The following ERG variants were observed in gnomAD, a reference collection of about 807,000 sequenced individuals.
The protein encoded by ERG is ETS transcription factor ERG.
A neutral mutation model predicts 55.3 loss-of-function variants in ERG; 9 were observed. The ratio of observed to expected loss-of-function variants is 0.16; its 90% CI spans 0.10 to 0.28. The LOEUF is 0.28. Ranked by LOEUF, ERG falls within the 10% of genes least tolerant of loss-of-function variation. The pLI is 1.00. For synonymous variants in ERG, 223 were observed against 237.3 expected, an observed-to-expected ratio of 0.94 and a Z score of 0.55; for missense variants, 434 against 631.6, an observed-to-expected ratio of 0.69 and a Z score of 3.35.
At chr21:38,409,553 G>A (rs1391004346) in intron 3 of ERG, among the ~76,000 whole-genome samples, 2 of 150,250 alleles carry the variant, frequency 1.3e-5, no homozygotes, top group East Asian at 3.9e-4. Context: ...CAGAGAGGTA[G>A]CACCAACCAG....
intron 2 of ERG, among the ~76,000 whole-genome samples, chr21:38,565,119 C>T (rs931413273): frequency 1.1e-4 from 17 of 152,290 alleles, no homozygotes; most frequent in African/African-American, 3.6e-4. Flanking sequence ...CCTTGACTCT[C>T]CTACACTGCA....
chr21:38,656,933 T>C (rs1216626664), intron 1 of ERG, among the ~76,000 whole-genome samples: 2 of 152,214 alleles, frequency 1.3e-5, no homozygotes, highest in African/African-American at 2.4e-5. Flanking sequence ...ACTGCAATAA[T>C]GTTATCCTTA....
rs2059742985 is a variant in ERG, at chr21:38,540,241, G to A, written c.-41+35421C>T. 2.0e-5 allele frequency among the ~76,000 whole-genome samples: 3 copies of A among 152,274 alleles called. No individual in the cohort carries two copies. The South Asian group carries it at 6.2e-4, about 32-fold the overall frequency. ...ATATTTGGTTTCTTATTGAGGTGAAGTTCACATAACATGAAACTAACAGTT... is the reference window on the plus strand; with the variant it reads ...ATATTTGGTTTCTTATTGAGGTGAAATTCACATAACATGAAACTAACAGTT... On this transcript the variant is annotated intron_variant, in intron 2 of 8. Transcript: ENST00000398897.
chr21:38,424,007 C>T (rs1299699165), intron 2 of ERG, among the ~76,000 whole-genome samples: 1 of 125,976 alleles, frequency 7.9e-6, no homozygotes, highest in East Asian at 2.9e-4. Context: ...AAAAGAAATG[C>T]CGAAAACAGG....
At chr21:38,525,387 C>G (rs1185112897) in intron 2 of ERG, among the ~76,000 whole-genome samples, 1 of 152,184 alleles carries the variant, frequency 6.6e-6, no homozygotes, top group Non-Finnish European at 1.5e-5. Context: ...ATGCCTTCCA[C>G]AGTCACTCAA....
chr21:38,509,061 G>A (rs1316004884), intron 2 of ERG, among the ~76,000 whole-genome samples: 3 of 152,156 alleles, frequency 2.0e-5, no homozygotes, highest in African/African-American at 4.8e-5. Flanking sequence ...AGCCCCAACC[G>A]GCACTTGACT....
rs59249418 is a variant in ERG, at chr21:38,429,626, T to C, written c.237-6065A>G. On this transcript the variant is annotated intron_variant, in intron 2 of 9. Transcript: ENST00000288319. ...GTATACACATGTACATATATACATATGTGTATATATACATGTATACACATG... is the reference window on the plus strand; with the variant it reads ...GTATACACATGTACATATATACATACGTGTATATATACATGTATACACATG... 6.9e-3 allele frequency among the ~76,000 whole-genome samples: 415 copies of C among 60,432 alleles called. 47 individuals are homozygous for C. Among genetic ancestry groups the C allele is most frequent in the African/African-American group, 0.012 (266 of 22,810 alleles). The allele number at this position is 60,432 out of a possible 152,430, so 39.6% of individuals were successfully genotyped here.
At chr21:38,440,479 A>C (rs1259119183) in intron 2 of ERG, among the ~76,000 whole-genome samples, 4 of 152,152 alleles carry the variant, frequency 2.6e-5, no homozygotes, top group Non-Finnish European at 5.9e-5. Context: ...AGCAGAGTGA[A>C]TCACGCCCAT....
At chr21:38,410,606 C>A (rs1351966164) in intron 3 of ERG, among the ~76,000 whole-genome samples, 1 of 152,074 alleles carries the variant, frequency 6.6e-6, no homozygotes, top group African/African-American at 2.4e-5. Flanking sequence ...GGAAGGCTGA[C>A]ATTTAAAAAA....
chr21:38,539,321 T>C (rs1403011816), intron 2 of ERG, among the ~76,000 whole-genome samples: 1 of 152,172 alleles, frequency 6.6e-6, no homozygotes, highest in East Asian at 1.9e-4. Flanking sequence ...ATATGCTGGA[T>C]TTGGAAGATG....
chr21:38,616,150 C>G (rs2060257546), intron 1 of ERG, among the ~76,000 whole-genome samples: 1 of 152,162 alleles, frequency 6.6e-6, no homozygotes, highest in Non-Finnish European at 1.5e-5. Flanking sequence ...ACTCTCCTCT[C>G]TCCTGCCGCC....
intron 1 of ERG, among the ~76,000 whole-genome samples, chr21:38,653,017 G>A (rs761088499): frequency 6.6e-6 from 1 of 152,108 alleles, no homozygotes; most frequent in Non-Finnish European, 1.5e-5. Context: ...CGCATTCACC[G>A]CCTAGATTCT....
At chr21:38,512,319 T>C (rs1056291140) in intron 2 of ERG, among the ~76,000 whole-genome samples, 4 of 152,244 alleles carry the variant, frequency 2.6e-5, no homozygotes, top group Non-Finnish European at 4.4e-5. Flanking sequence ...TTTTGAAGTA[T>C]TGGCAAGAAT....
intron 1 of ERG, among the ~76,000 whole-genome samples, chr21:38,645,438 T>G (rs1392663401): frequency 6.6e-6 from 1 of 152,178 alleles, no homozygotes; most frequent in Non-Finnish European, 1.5e-5. Context: ...TTTGCTACTG[T>G]GGAATCCACT....
intron 1 of ERG, among the ~76,000 whole-genome samples, chr21:38,583,881 C>T (rs921634933): frequency 6.6e-6 from 1 of 152,208 alleles, no homozygotes; most frequent in African/African-American, 2.4e-5. Flanking sequence ...GGACATCCAG[C>T]CTCCGGAACG....
At chr21:38,429,256 G>A (rs966957362) in intron 2 of ERG, among the ~76,000 whole-genome samples, 1 of 151,034 alleles carries the variant, frequency 6.6e-6, no homozygotes, top group Non-Finnish European at 1.5e-5. Flanking sequence ...GTGTGTGTGT[G>A]TATATACACA....
At chr21:38,481,435 A>AT (rs1313962866) in intron 1 of ERG, among the ~76,000 whole-genome samples, 1 of 152,208 alleles carries the variant, frequency 6.6e-6, no homozygotes, top group Non-Finnish European at 1.5e-5. Flanking sequence ...AATACTTCAG[A>AT]TTTTATGAAA....
intron 2 of ERG, among the ~76,000 whole-genome samples, chr21:38,534,947 GT>G (rs533501814): frequency 6.6e-6 from 1 of 152,046 alleles, no homozygotes; most frequent in Non-Finnish European, 1.5e-5. Flanking sequence ...AATTAAAGTG[GT>G]TTTTTTAATC....
At chr21:38,563,131 T>C (rs2059902827) in intron 2 of ERG, among the ~76,000 whole-genome samples, 1 of 152,150 alleles carries the variant, frequency 6.6e-6, no homozygotes. Context: ...TCGGGAGGGA[T>C]GAACAGACAC....
Sources: gnomAD v4.1 joint callset for allele counts (sites outside exome capture counted in the v4.1 genomes callset) on GRCh38, gnomAD v4.1.1 for gene constraint, MANE v1.5 for transcripts, NCBI Gene and HGNC (gene_info 2026-07-23, HGNC 2026-07-21) for gene names.